DPP10: variants seen among roughly 807,000 people sequenced by gnomAD.
DPP10 encodes dipeptidyl peptidase like 10.
In DPP10, 33 loss-of-function variants were observed where a neutral mutation model predicts 120.9. That is an observed-to-expected ratio of 0.27 (90% CI 0.21 to 0.37). DPP10 has a LOEUF of 0.37. DPP10 is among the 10% of genes least tolerant of loss of function. DPP10 has a pLI of 1.00. For synonymous variants in DPP10, 337 were observed against 326.1 expected, an observed-to-expected ratio of 1.03 and a Z score of -0.36; for missense variants, 816 against 942.8, an observed-to-expected ratio of 0.87 and a Z score of 1.76.
chr2:115,831,427 A>G (rs1160565344), intron 21 of DPP10, among the ~76,000 whole-genome samples: 1 of 152,054 alleles, frequency 6.6e-6, no homozygotes, highest in Non-Finnish European at 1.5e-5. Context: ...TTTAGTAGAG[A>G]TAGGGTTTCA....
chr2:114,472,981 T>C (rs961743310), intron 1 of DPP10, among the ~76,000 whole-genome samples: 1 of 152,218 alleles, frequency 6.6e-6, no homozygotes, highest in African/African-American at 2.4e-5. Flanking sequence ...GCCTCATCAC[T>C]GCCCTTTGTA....
intron 1 of DPP10, among the ~76,000 whole-genome samples, chr2:115,101,829 C>G (rs2048704261): frequency 6.6e-6 from 1 of 152,210 alleles, no homozygotes; most frequent in South Asian, 2.1e-4. Flanking sequence ...CTCTAACGCA[C>G]TTGCAACGTC....
intron 1 of DPP10, among the ~76,000 whole-genome samples, chr2:114,765,119 T>C (rs1680597819): frequency 6.6e-6 from 1 of 152,196 alleles, no homozygotes; most frequent in Non-Finnish European, 1.5e-5. Context: ...TGGCACATTT[T>C]CATTTTTTCT....
At chr2:114,930,591 T>C (rs769760500) in intron 1 of DPP10, among the ~76,000 whole-genome samples, 1 of 152,358 alleles carries the variant, frequency 6.6e-6, no homozygotes, top group East Asian at 1.9e-4. Context: ...TCTATATTTC[T>C]ATCAGAATTT....
chr2:115,181,795 G>A (rs1460882178), intron 1 of DPP10, among the ~76,000 whole-genome samples: 1 of 152,114 alleles, frequency 6.6e-6, no homozygotes, highest in Non-Finnish European at 1.5e-5. Flanking sequence ...GACTATCATT[G>A]GCTAAAACAA....
At chr2:115,027,166 G>A (rs565240819) in intron 1 of DPP10, among the ~76,000 whole-genome samples, 3 of 152,120 alleles carry the variant, frequency 2.0e-5, no homozygotes, top group East Asian at 3.9e-4. Flanking sequence ...TTGTATGCTG[G>A]TTTTTATATG....
chr2:115,201,853 T>TA (rs59872188), intron 1 of DPP10, among the ~76,000 whole-genome samples: 4 of 151,146 alleles, frequency 2.6e-5, no homozygotes, highest in Non-Finnish European at 5.9e-5. Flanking sequence ...AACTTGAAGT[T>TA]AAAAAAAAAA....
intron 1 of DPP10, among the ~76,000 whole-genome samples, chr2:115,022,283 G>C (rs1418045731): frequency 6.6e-6 from 1 of 151,948 alleles, no homozygotes; most frequent in Non-Finnish European, 1.5e-5. Flanking sequence ...TGTACAAAAA[G>C]CTCCTACAAA....
intron 3 of DPP10, among the ~76,000 whole-genome samples, chr2:115,419,115 C>A (rs938014453): frequency 2.6e-5 from 4 of 152,138 alleles, no homozygotes; most frequent in African/African-American, 9.6e-5. Flanking sequence ...ATGCCATAAC[C>A]TAGCTAAGTG....
intron 1 of DPP10, among the ~76,000 whole-genome samples, chr2:114,881,981 A>AAC (rs1691682057): frequency 6.6e-6 from 1 of 152,188 alleles, no homozygotes; most frequent in Non-Finnish European, 1.5e-5. Context: ...ATAGGCATGT[A>AAC]ACACATTTTC....
At chr2:115,047,193 G>A (rs188908531) in intron 1 of DPP10, among the ~76,000 whole-genome samples, 28 of 152,064 alleles carry the variant, frequency 1.8e-4, no homozygotes, top group Admixed American at 1.6e-3. Flanking sequence ...TTAGAAATAC[G>A]CTGAATAAAT....
At chr2:115,482,296 A>G (rs929461918) in intron 3 of DPP10, among the ~76,000 whole-genome samples, 9 of 127,974 alleles carry the variant, frequency 7.0e-5, no homozygotes, top group Non-Finnish European at 1.1e-4. Context: ...TTATATATAT[A>G]TATATCTGCA....
At chr2:115,483,736 G>C (rs1352959874) in intron 3 of DPP10, among the ~76,000 whole-genome samples, 1 of 151,998 alleles carries the variant, frequency 6.6e-6, no homozygotes, top group African/African-American at 2.4e-5. Flanking sequence ...CAGCCTTACT[G>C]GCAGACTTAC....
intron 1 of DPP10, among the ~76,000 whole-genome samples, chr2:114,664,887 A>G (rs1425685319): frequency 6.6e-6 from 1 of 151,382 alleles, no homozygotes; most frequent in Non-Finnish European, 1.5e-5. Flanking sequence ...AGAGCATCCA[A>G]AAGATGGCAG....
intron 1 of DPP10, among the ~76,000 whole-genome samples, chr2:115,126,103 C>G (rs139319385): frequency 1.3e-5 from 2 of 152,218 alleles, no homozygotes; most frequent in African/African-American, 2.4e-5. Flanking sequence ...TTATATAGTA[C>G]TTTATTGTAC....
chr2:114,994,415 G>A (rs1181168910), intron 1 of DPP10, among the ~76,000 whole-genome samples: 1 of 152,134 alleles, frequency 6.6e-6, no homozygotes, highest in East Asian at 1.9e-4. Context: ...CCAAAACATT[G>A]TGAAGCTGTA....
chr2:115,497,160 C>A (rs1280205306), intron 3 of DPP10, among the ~76,000 whole-genome samples: 1 of 152,072 alleles, frequency 6.6e-6, no homozygotes, highest in Non-Finnish European at 1.5e-5. Flanking sequence ...ATTATAGAAA[C>A]TATAGCTACA....
intron 1 of DPP10, among the ~76,000 whole-genome samples, chr2:115,012,191 C>G (rs1702312453): frequency 6.6e-6 from 1 of 152,124 alleles, no homozygotes; most frequent in Admixed American, 6.5e-5. Context: ...ACCCTGTGGT[C>G]TTTATCTACC....
At chr2:115,017,965 C>A (rs1458290585) in intron 1 of DPP10, among the ~76,000 whole-genome samples, 3 of 151,528 alleles carry the variant, frequency 2.0e-5, no homozygotes, top group Non-Finnish European at 4.4e-5. Flanking sequence ...AACAAACCTG[C>A]ACGTTGCGCA....
Sources: allele counts gnomAD v4.1 joint callset (sites outside exome capture counted in the v4.1 genomes callset), GRCh38; gene constraint gnomAD v4.1.1; transcripts MANE v1.5; gene names NCBI Gene and HGNC (gene_info 2026-07-23, HGNC 2026-07-21).